Variants in ZNF326 observed in about 807,000 individuals in gnomAD.
The protein encoded by ZNF326 is DBIRD complex subunit ZNF326.
A neutral mutation model predicts 63.1 loss-of-function variants in ZNF326; 30 were observed. The ratio of observed to expected loss-of-function variants is 0.48; its 90% CI spans 0.36 to 0.64. The LOEUF (loss-of-function observed/expected upper bound fraction) is 0.64, where lower values mean the gene tolerates loss of function less well. Among genes scored for constraint, ZNF326 ranks in the 30% least tolerant of loss-of-function variants. The probability of loss-of-function intolerance (pLI) is 0.00; values close to 1 mark genes in which losing one functional copy is unlikely to be tolerated. For synonymous variants in ZNF326, 194 were observed against 228.2 expected (o/e 0.85, Z 1.35); for missense variants, 609 against 720.3 (o/e 0.85, Z 1.77).
intron 5 of ZNF326, 116 bp from the exon 6 acceptor site, chr1:90,009,972 A>G (rs1649158373): frequency 1.0e-6 from 1 of 962,702 alleles, no homozygotes; most frequent in Admixed American, 2.8e-5. Context: ...AAATTTAGTT[A>G]CATTCCAGGG....
At chr1:89,995,384 G>C in intron 1 of ZNF326, 111 bp downstream of exon 1, 1 of 1,358,112 alleles carries the variant, frequency 7.4e-7, no homozygotes, top group South Asian at 1.5e-5. Flanking sequence ...CTGCGGGCCC[G>C]GAGGCCGCCC....
intron 2 of ZNF326, among the ~76,000 whole-genome samples, chr1:89,998,585 G>A (rs1648516863): frequency 6.6e-6 from 1 of 152,124 alleles, no homozygotes; most frequent in African/African-American, 2.4e-5. Flanking sequence ...GTGTCCAAAT[G>A]TGTTAGTATA....
chr1:90,034,904 A>G lies in ZNF326; in HGVS notation c.*7203A>G, dbSNP rs143949696. On this transcript the variant is annotated 3_prime_UTR_variant, in exon 12 of 12. Coordinates refer to ENST00000340281, the MANE Select transcript of ZNF326 (RefSeq NM_182976.4). Reference sequence around the variant, plus strand: ...ATGACCAATTAAATATCCCAAAATAATGTGTCATGGTAGAGTAGGGTTTAT... The same window carrying G: ...ATGACCAATTAAATATCCCAAAATAGTGTGTCATGGTAGAGTAGGGTTTAT... 4 of 152,244 alleles carry G rather than the reference A, an allele frequency of 2.6e-5. No homozygotes were observed. In the East Asian group the frequency reaches 5.8e-4, roughly 22 times the overall value. 9.4% of individuals were successfully genotyped at this position (152,244 alleles called of 1,614,324 possible).
Position 90,027,733 on chromosome 1 carries a change from C to T in ZNF326, c.*32C>T. 1.2e-6 allele frequency: 2 copies of T among 1,602,104 alleles called. No individual in the cohort carries two copies. Among genetic ancestry groups the T allele is most frequent in the Non-Finnish European group, 1.7e-6 (2 of 1,171,642 alleles). On this transcript the variant is annotated 3_prime_UTR_variant, in exon 12 of 12. Coordinates refer to ENST00000340281, the MANE Select transcript of ZNF326 (RefSeq NM_182976.4). ...GGTATTAGATTTAAAAGGAGCTTTA[C>T]ATTTCGGTTCTAATGTAAAAAAGGG...
intron 10 of ZNF326, 39 bp downstream of exon 10, chr1:90,020,961 T>C: frequency 6.2e-7 from 1 of 1,600,218 alleles, no homozygotes. Context: ...TGCCAGATTA[T>C]CCATCAATCT....
At position 90,020,899 on chromosome 1, in the gene ZNF326, C is replaced by T. The variant is rs752578696; in HGVS notation, c.1282C>T (p.Pro428Ser). The T allele has an allele frequency of 6.2e-7, 1 of 1,612,918 alleles. No individual in the cohort carries two copies. The highest frequency in any genetic ancestry group is 2.2e-5 in the East Asian group (1 of 44,792). ...TTCAGTTCAGCAGCACTTAAAATCTCCTGATCATATCAAAGGGAAGCAGGT... is the reference window on the plus strand; with the variant it reads ...TTCAGTTCAGCAGCACTTAAAATCTTCTGATCATATCAAAGGGAAGCAGGT... The part of the protein sequence containing the change: ...HSSVQQHLKS[P>S]DHIKGKQAYK... The change falls in exon 10 of 12, where the codon CCT becomes TCT. Residue 428 changes from proline (P) to serine (S), a missense_variant. This residue lies in a region of ZNF326 where 399 missense variants were observed against 444.3 expected (regional missense o/e 0.90). Coordinates refer to ENST00000340281, the MANE Select transcript of ZNF326 (RefSeq NM_182976.4).
Position 89,998,173 on chromosome 1 carries a change from C to T in ZNF326, c.61+19C>T, listed in dbSNP as rs138906234. On this transcript the variant is annotated intron_variant, in intron 2 of 11. Coordinates refer to ENST00000340281, the MANE Select transcript of ZNF326 (RefSeq NM_182976.4). ...TTTAATGGTAAGTATCCTCTTTCAG[C>T]TTTTCTCTTCATGCGCATAAAAATA... is the stretch of plus-strand genomic sequence containing the variant. The T allele has an allele frequency of 1.3e-4, 206 of 1,611,442 alleles. No homozygotes were observed. In the East Asian group the frequency reaches 4.5e-3, roughly 35 times the overall value.
At chr1:89,995,376 G>GCGGGCCCGGAGGCCGCCCGCCCGCCC in intron 1 of ZNF326, 103 bp downstream of exon 1, 2 of 1,415,180 alleles carry the variant, frequency 1.4e-6, no homozygotes, top group South Asian at 1.4e-5. Context: ...GCTTTGTTCT[G>GCGGGCCCGGAGGCCGCCCGCCCGCCC]CGGGCCCGGA....
At position 90,034,844 on chromosome 1, in the gene ZNF326, A is replaced by G. The variant is rs991047820; in HGVS notation, c.*7143A>G. 4 of 152,176 alleles carry G rather than the reference A, an allele frequency of 2.6e-5. No individual in the cohort carries two copies. The highest frequency in any genetic ancestry group is 5.9e-5 in the Non-Finnish European group (4 of 67,992). The allele number at this position is 152,176 out of a possible 1,614,324, so 9.4% of individuals were successfully genotyped here. On this transcript the variant is annotated 3_prime_UTR_variant, in exon 12 of 12. Transcript: ENST00000340281. ...ATAGACCAGTCTCACTTACGAACAA[A>G]TGTAATTTGTTGAAACTGGTCATGT...
Position 90,007,874 on chromosome 1 carries a change from T to C in ZNF326, c.615+124T>C. 1.0e-6 allele frequency: 1 copy of C among 980,146 alleles called. No individual in the cohort carries two copies. Among genetic ancestry groups the C allele is most frequent in the Non-Finnish European group, 1.4e-6 (1 of 737,186 alleles). The allele number at this position is 980,146 out of a possible 1,614,324, so 60.7% of individuals were successfully genotyped here. ...GGTGTATTTTGAAGCAAAAGCTGAG[T>C]CATAAACATAATTTTTAGGTTGACT... On this transcript the variant is annotated intron_variant, in intron 5 of 11. Coordinates refer to ENST00000340281, the MANE Select transcript of ZNF326 (RefSeq NM_182976.4). The surrounding 1 kb of genome is among the most constrained non-coding windows in gnomAD (Gnocchi z 4.9).
At chr1:90,011,918 A>C (rs1649265764) in intron 6 of ZNF326, among the ~76,000 whole-genome samples, 1 of 152,084 alleles carries the variant, frequency 6.6e-6, no homozygotes, top group Admixed American at 6.6e-5. Flanking sequence ...GCTCACTGCA[A>C]CCTCTGCCCC....
chr1:89,997,168 A>G (rs1396403835), intron 1 of ZNF326, among the ~76,000 whole-genome samples: 1 of 152,250 alleles, frequency 6.6e-6, no homozygotes, highest in Non-Finnish European at 1.5e-5. Flanking sequence ...TGTATAGTGT[A>G]GCAGGATTCT....
Position 90,003,960 on chromosome 1 carries a change from CTGTG to C in ZNF326, c.62-1039_62-1036del, listed in dbSNP as rs943424626. Among the ~76,000 whole-genome samples, 3 of 152,022 alleles carry C rather than the reference CTGTG, an allele frequency of 2.0e-5. No homozygotes were observed. The East Asian group carries it at 5.8e-4, about 29-fold the overall frequency. On this transcript the variant is annotated intron_variant, in intron 2 of 11. Coordinates refer to ENST00000340281, the MANE Select transcript of ZNF326 (RefSeq NM_182976.4). The stretch of plus-strand genomic sequence containing the variant: ...AAAATATAAAATTAAGATATTTACT[CTGTG>C]TGTACTATTGTATTTATTTGTGTAT...
intron 9 of ZNF326, among the ~76,000 whole-genome samples, chr1:90,019,376 A>G (rs1343768963): frequency 6.6e-6 from 1 of 152,110 alleles, no homozygotes; most frequent in Non-Finnish European, 1.5e-5. Context: ...ACAACTTTCT[A>G]CTACTGTTAG....
chr1:90,006,793 C>A (rs1370080541), intron 4 of ZNF326, among the ~76,000 whole-genome samples: 1 of 151,956 alleles, frequency 6.6e-6, no homozygotes, highest in African/African-American at 2.4e-5. Flanking sequence ...ATTTTTATAA[C>A]CAGAGATAAT....
intron 1 of ZNF326, among the ~76,000 whole-genome samples, chr1:89,995,505 A>G (rs1284704822): frequency 6.6e-6 from 1 of 152,258 alleles, no homozygotes; most frequent in Non-Finnish European, 1.5e-5. Flanking sequence ...GGTGTCCGGT[A>G]GGACGCGCCT....
rs1650233496 is a variant in ZNF326, at chr1:90,030,705, A to G, written c.*3004A>G. ...TTTTTCTTTAGGTTCTGTCTTTGTC[A>G]TGCAGGCTGGAATTCAGTGGCACGA... On this transcript the variant is annotated 3_prime_UTR_variant, in exon 12 of 12. Transcript: ENST00000340281. 1.4e-5 allele frequency: 2 copies of G among 143,104 alleles called. No individual in the cohort carries two copies. Among genetic ancestry groups the G allele is most frequent in the Admixed American group, 7.3e-5 (1 of 13,712 alleles). The allele number at this position is 143,104 out of a possible 1,614,324, so 8.9% of individuals were successfully genotyped here. A position where few individuals can be genotyped will look rare whatever the true frequency, so the allele number is the denominator to read the frequency against.
intron 7 of ZNF326, among the ~76,000 whole-genome samples, 188 bp from the exon 8 acceptor site, chr1:90,017,129 T>A (rs1054125972): frequency 3.3e-5 from 5 of 152,234 alleles, no homozygotes; most frequent in African/African-American, 1.2e-4. Context: ...CAAAGTGGTA[T>A]ATGGGTACTG....
intron 9 of ZNF326, among the ~76,000 whole-genome samples, chr1:90,020,241 C>G (rs1382407568): frequency 6.6e-6 from 1 of 151,940 alleles, no homozygotes; most frequent in East Asian, 1.9e-4. Context: ...ATTATTTAGG[C>G]CCTTCTTTTT....
Sources: allele counts gnomAD v4.1 joint callset (sites outside exome capture counted in the v4.1 genomes callset), GRCh38; gene constraint gnomAD v4.1.1; regional missense constraint gnomAD v4.1.1; non-coding constraint Gnocchi (gnomAD v3.1); transcripts MANE v1.5; gene names NCBI Gene and HGNC (gene_info 2026-07-23, HGNC 2026-07-21).